RTL10: variants seen among roughly 807,000 people sequenced by gnomAD.
The protein encoded by RTL10 is protein Bop.
For synonymous variants in RTL10, 199 were observed against 188.4 expected, an observed-to-expected ratio of 1.06 and a Z score of -0.46; for missense variants, 477 against 470.7, an observed-to-expected ratio of 1.01 and a Z score of -0.12.
chr22:19,854,289 C>T (rs1236067689), intron 2 of RTL10, among the ~76,000 whole-genome samples, 154 bp downstream of exon 2: 1 of 152,218 alleles, frequency 6.6e-6, no homozygotes, highest in East Asian at 1.9e-4. Flanking sequence ...TGGAGCCGTT[C>T]TCTGCTCTGG....
rs1263948606 is a variant in RTL10 at position 19,848,113 on chromosome 22, G to A, written c.*3054C>T. The A allele has an allele frequency of 1.0e-6, 1 of 984,768 alleles. No individual in the cohort carries two copies. The highest frequency in any genetic ancestry group is 1.2e-6 in the Non-Finnish European group (1 of 829,634). 61.0% of individuals were successfully genotyped at this position (984,768 alleles called of 1,614,324 possible). ...TTATAAAATATTCCAATATCCCATAGGACCTTATCCTTAGTACTTCCTATT... is the reference window on the plus strand; with the variant it reads ...TTATAAAATATTCCAATATCCCATAAGACCTTATCCTTAGTACTTCCTATT... On this transcript the variant is annotated 3_prime_UTR_variant, in exon 3 of 3. Transcript: ENST00000328554.
In RTL10 at chr22:19,847,675, A is replaced by G; in HGVS notation, c.*3492T>C. 3.0e-6 allele frequency: 3 copies of G among 984,632 alleles called. No homozygotes were observed. The highest frequency in any genetic ancestry group is 3.6e-6 in the Non-Finnish European group (3 of 829,252). The allele number at this position is 984,632 out of a possible 1,614,324, so 61.0% of individuals were successfully genotyped here. A position where few individuals can be genotyped will look rare whatever the true frequency, so the allele number is the denominator to read the frequency against. On this transcript the variant is annotated 3_prime_UTR_variant, in exon 3 of 3. Coordinates refer to ENST00000328554, the MANE Select transcript of RTL10 (RefSeq NM_024627.6). ...CACCTAGCAAGTAGTCACAGCATGC[A>G]TGTGCCTAGAATTGTTACGTGGTCA...
At position 19,850,646 on chromosome 22, in the gene RTL10, C is replaced by T; in HGVS notation, c.*521G>A. 1.6e-6 allele frequency: 2 copies of T among 1,226,464 alleles called. No homozygotes were observed. Among genetic ancestry groups the T allele is most frequent in the Non-Finnish European group, 2.0e-6 (2 of 985,266 alleles). 76.0% of individuals were successfully genotyped at this position (1,226,464 alleles called of 1,614,324 possible). ...TCCCCCAGAATCAAAGTGGCCACTT[C>T]CTCCAGGCAGCCTTCCTCACATTCC... On this transcript the variant is annotated 3_prime_UTR_variant, in exon 3 of 3. Transcript: ENST00000328554.
At position 19,849,202 on chromosome 22, in the gene RTL10, T is replaced by G. The variant is rs549476561; in HGVS notation, c.*1965A>C. The G allele has an allele frequency of 3.8e-5, 37 of 985,296 alleles. No homozygotes were observed. The South Asian group carries it at 1.5e-3, about 41-fold the overall frequency. 61.0% of individuals were successfully genotyped at this position (985,296 alleles called of 1,614,324 possible). A position where few individuals can be genotyped will look rare whatever the true frequency, so the allele number is the denominator to read the frequency against. On this transcript the variant is annotated 3_prime_UTR_variant, in exon 3 of 3. Coordinates refer to ENST00000328554, the MANE Select transcript of RTL10 (RefSeq NM_024627.6). ...CAGGGCTATACCTGCTTTCTAAAAATAGCTTCCCACCTATTTCCAAGGTTT... is the reference window on the plus strand; with the variant it reads ...CAGGGCTATACCTGCTTTCTAAAAAGAGCTTCCCACCTATTTCCAAGGTTT...
Position 19,849,665 on chromosome 22 carries a change from C to T in RTL10, c.*1502G>A. ...TACAGGTGTGAGACACTGCTCCCGG[C>T]CAGTTTCTGAATAAGTTTAATCAGA... On this transcript the variant is annotated 3_prime_UTR_variant, in exon 3 of 3. Transcript: ENST00000328554. 1.0e-6 allele frequency: 1 copy of T among 984,844 alleles called. No individual in the cohort carries two copies. Among genetic ancestry groups the T allele is most frequent in the Non-Finnish European group, 1.2e-6 (1 of 829,412 alleles). The allele number at this position is 984,844 out of a possible 1,614,324, so 61.0% of individuals were successfully genotyped here.
At position 19,850,756 on chromosome 22, in the gene RTL10, A is replaced by C. The variant is rs1601357251; in HGVS notation, c.*411T>G. 1 of 1,245,088 alleles carries C rather than the reference A, an allele frequency of 8.0e-7. No individual in the cohort carries two copies. Among genetic ancestry groups the C allele is most frequent in the Non-Finnish European group, 1.0e-6 (1 of 996,518 alleles). The allele number at this position is 1,245,088 out of a possible 1,614,324, so 77.1% of individuals were successfully genotyped here. ...CCCCATACAGGAACGAGGTCCCAAC[A>C]GGGCAGACGTGGCAGACCCAGTTCA... On this transcript the variant is annotated 3_prime_UTR_variant, in exon 3 of 3. Transcript: ENST00000328554.
Position 19,846,605 on chromosome 22 carries a change from T to C in RTL10, c.*4562A>G. The C allele has an allele frequency of 1.0e-6, 1 of 961,132 alleles. No individual in the cohort carries two copies. Among genetic ancestry groups the C allele is most frequent in the Non-Finnish European group, 1.2e-6 (1 of 807,738 alleles). 59.5% of individuals were successfully genotyped at this position (961,132 alleles called of 1,614,324 possible). A position where few individuals can be genotyped will look rare whatever the true frequency, so the allele number is the denominator to read the frequency against. On this transcript the variant is annotated 3_prime_UTR_variant, in exon 3 of 3. Coordinates refer to ENST00000328554, the MANE Select transcript of RTL10 (RefSeq NM_024627.6). Reference sequence around the variant, plus strand: ...CAGAACTATGTCCCTTCAATATTTTTATGTTCAAGTCCTAACCCCTAGTAC... The same window carrying C: ...CAGAACTATGTCCCTTCAATATTTTCATGTTCAAGTCCTAACCCCTAGTAC...
At position 19,847,725 on chromosome 22, in the gene RTL10, C is replaced by T; in HGVS notation, c.*3442G>A. The T allele has an allele frequency of 1.0e-6, 1 of 977,550 alleles. No homozygotes were observed. The highest frequency in any genetic ancestry group is 1.2e-6 in the Non-Finnish European group (1 of 828,700). The allele number at this position is 977,550 out of a possible 1,614,324, so 60.6% of individuals were successfully genotyped here. A position where few individuals can be genotyped will look rare whatever the true frequency, so the allele number is the denominator to read the frequency against. ...AAATTATATTATTGTGTATTCCCAC[C>T]AACAGTATGAGAAGGTCCACTTCTC... On this transcript the variant is annotated 3_prime_UTR_variant, in exon 3 of 3. Coordinates refer to ENST00000328554, the MANE Select transcript of RTL10 (RefSeq NM_024627.6).
Position 19,847,944 on chromosome 22 carries a change from A to G in RTL10, c.*3223T>C. 1.0e-6 allele frequency: 1 copy of G among 985,260 alleles called. No individual in the cohort carries two copies. The highest frequency in any genetic ancestry group is 1.1e-4 in the East Asian group (1 of 8,818). The allele number at this position is 985,260 out of a possible 1,614,324, so 61.0% of individuals were successfully genotyped here. ...GGCTTTACTATTTTCCAGAGGGCCA[A>G]CTGCTTTTACTGAATAATCCATTTT... On this transcript the variant is annotated 3_prime_UTR_variant, in exon 3 of 3. Transcript: ENST00000328554.
chr22:19,848,647 A>T lies in RTL10; in HGVS notation c.*2520T>A. Reference sequence around the variant, plus strand: ...ACGCGTTTTAATTAAAAACCAGGTCACCTGGACTCTCCCAAGGACTCTCAA... The same window carrying T: ...ACGCGTTTTAATTAAAAACCAGGTCTCCTGGACTCTCCCAAGGACTCTCAA... On this transcript the variant is annotated 3_prime_UTR_variant, in exon 3 of 3. Coordinates refer to ENST00000328554, the MANE Select transcript of RTL10 (RefSeq NM_024627.6). 1.0e-6 allele frequency: 1 copy of T among 985,468 alleles called. No homozygotes were observed. The highest frequency in any genetic ancestry group is 1.1e-4 in the East Asian group (1 of 8,816). The allele number at this position is 985,468 out of a possible 1,614,324, so 61.0% of individuals were successfully genotyped here.
chr22:19,852,641 G>A (rs1938136673), intron 2 of RTL10, among the ~76,000 whole-genome samples, 155 bp from the exon 3 acceptor site: 1 of 152,210 alleles, frequency 6.6e-6, no homozygotes, highest in Non-Finnish European at 1.5e-5. Flanking sequence ...GAGGTCTGAG[G>A]TGGGCAAATG....
Position 19,848,427 on chromosome 22 carries a change from T to C in RTL10, c.*2740A>G. On this transcript the variant is annotated 3_prime_UTR_variant, in exon 3 of 3. Transcript: ENST00000328554. ...TTCCCCCAGCAGGAAAGCAGCTTGGTCATCATCTGTCTGAAAGCAGGTGCT... is the reference window on the plus strand; with the variant it reads ...TTCCCCCAGCAGGAAAGCAGCTTGGCCATCATCTGTCTGAAAGCAGGTGCT... 1 of 985,406 alleles carries C rather than the reference T, an allele frequency of 1.0e-6. No individual in the cohort carries two copies. The highest frequency in any genetic ancestry group is 1.2e-6 in the Non-Finnish European group (1 of 829,942). The allele number at this position is 985,406 out of a possible 1,614,324, so 61.0% of individuals were successfully genotyped here. A position where few individuals can be genotyped will look rare whatever the true frequency, so the allele number is the denominator to read the frequency against.
intron 2 of RTL10, among the ~76,000 whole-genome samples, chr22:19,852,828 C>T (rs1312659557): frequency 6.6e-6 from 1 of 152,178 alleles, no homozygotes; most frequent in Non-Finnish European, 1.5e-5. Context: ...GTCTTTGAGG[C>T]ACACAGTGGT....
At position 19,846,805 on chromosome 22, in the gene RTL10, CA is replaced by C. The variant is rs1379110132; in HGVS notation, c.*4361del. On this transcript the variant is annotated 3_prime_UTR_variant, in exon 3 of 3. Coordinates refer to ENST00000328554, the MANE Select transcript of RTL10 (RefSeq NM_024627.6). ...CAAGGAGCGAGGCCTCAGGAGAAAC[CA>C]ACCCTGCCCACACCTTGATCTCAGG... 4 of 647,912 alleles carry C rather than the reference CA, an allele frequency of 6.2e-6. No individual in the cohort carries two copies. Among genetic ancestry groups the C allele is most frequent in the South Asian group, 6.8e-5 (1 of 14,706 alleles). The allele number at this position is 647,912 out of a possible 1,614,324, so 40.1% of individuals were successfully genotyped here. A position where few individuals can be genotyped will look rare whatever the true frequency, so the allele number is the denominator to read the frequency against.
At position 19,854,714 on chromosome 22, in the gene RTL10, G is replaced by C. The variant is rs1315230777; in HGVS notation, c.-377C>G. ...ACTGCGACCCAGGCTGGGGCTCCGA[G>C]TGCCCCTCTGCGGATCAGAAGTCGG... On this transcript the variant is annotated 5_prime_UTR_variant, in exon 1 of 3. Coordinates refer to ENST00000328554, the MANE Select transcript of RTL10 (RefSeq NM_024627.6). The C allele has an allele frequency of 6.6e-6, 1 of 152,534 alleles. No individual in the cohort carries two copies. The highest frequency in any genetic ancestry group is 1.9e-4 in the East Asian group (1 of 5,178). 9.4% of individuals were successfully genotyped at this position (152,534 alleles called of 1,614,324 possible). A position where few individuals can be genotyped will look rare whatever the true frequency, so the allele number is the denominator to read the frequency against.
At position 19,847,035 on chromosome 22, in the gene RTL10, A is replaced by G; in HGVS notation, c.*4132T>C. The stretch of plus-strand genomic sequence containing the variant: ...CTCCATACTGAGCACCCCAGCCCAT[A>G]GGATGATCAGCTGCTGCCGTCCTAT... On this transcript the variant is annotated 3_prime_UTR_variant, in exon 3 of 3. Coordinates refer to ENST00000328554, the MANE Select transcript of RTL10 (RefSeq NM_024627.6). 2 of 985,434 alleles carry G rather than the reference A, an allele frequency of 2.0e-6. No homozygotes were observed. Among genetic ancestry groups the G allele is most frequent in the Non-Finnish European group, 1.2e-6 (1 of 829,938 alleles). 61.0% of individuals were successfully genotyped at this position (985,434 alleles called of 1,614,324 possible). A position where few individuals can be genotyped will look rare whatever the true frequency, so the allele number is the denominator to read the frequency against.
rs1343962536 is a variant in RTL10, at chr22:19,848,815, TC to T, written c.*2351del. 6 of 985,218 alleles carry T rather than the reference TC, an allele frequency of 6.1e-6. No homozygotes were observed. The highest frequency in any genetic ancestry group is 6.0e-6 in the Non-Finnish European group (5 of 829,862). 61.0% of individuals were successfully genotyped at this position (985,218 alleles called of 1,614,324 possible). ...CAGGGTTCAAAAGAGAAGGCAGCAA[TC>T]CCAGGCTGGAGTATCCACTTCAGGT... is the stretch of plus-strand genomic sequence containing the variant. On this transcript the variant is annotated 3_prime_UTR_variant, in exon 3 of 3. Transcript: ENST00000328554.
At position 19,851,653 on chromosome 22, in the gene RTL10, C is replaced by T. The variant is rs1201927482; in HGVS notation, c.609G>A (p.Leu203=). ...CCACAGGCAGCTGAGGGGCCACTGG[C>T]AGCTGGCTGGAGGCCAGGGGCAGGG... is the stretch of plus-strand genomic sequence containing the variant. The part of the protein sequence containing the change: ...TCPLPLASSQ[L]PVAPQLPVVR... The change falls in exon 3 of 3, where the codon CTG becomes CTA. Residue 203 remains leucine (L), a synonymous_variant. Transcript: ENST00000328554. 13 of 1,594,278 alleles carry T rather than the reference C, an allele frequency of 8.2e-6. 1 individual carries two copies. The highest frequency in any genetic ancestry group is 4.5e-5 in the South Asian group (4 of 88,600).
chr22:19,851,897 C>A lies in RTL10; in HGVS notation c.365G>T (p.Gly122Val). 1.2e-6 allele frequency: 2 copies of A among 1,614,112 alleles called. No individual in the cohort carries two copies. Among genetic ancestry groups the A allele is most frequent in the South Asian group, 2.2e-5 (2 of 91,090 alleles). ...CTCAAAGTGGAAGGACATGTAATCG[C>A]CCAGCTGGGCCAAGAAGCGGTCCAG... ...WLLDRFLAQLGDYMSFHFEHY... is the reference protein window; with the variant it reads ...WLLDRFLAQLVDYMSFHFEHY... The change falls in exon 3 of 3, where the codon GGC becomes GTC. Residue 122 changes from glycine (G) to valine (V), a missense_variant. Coordinates refer to ENST00000328554, the MANE Select transcript of RTL10 (RefSeq NM_024627.6).
Sources: allele counts gnomAD v4.1 joint callset (sites outside exome capture counted in the v4.1 genomes callset), GRCh38; gene constraint gnomAD v4.1.1; transcripts MANE v1.5; gene names NCBI Gene and HGNC (gene_info 2026-07-23, HGNC 2026-07-21).